TRRAP: variants seen among roughly 807,000 people sequenced by gnomAD.
TRRAP encodes transformation/transcription domain associated protein.
A neutral mutation model predicts 438.8 loss-of-function variants in TRRAP; 41 were observed. The observed-to-expected ratio is 0.09, with a 90% CI of 0.07 to 0.12. The LOEUF (loss-of-function observed/expected upper bound fraction) is 0.12. TRRAP is among the 10% of genes least tolerant of loss of function. The probability of loss-of-function intolerance (pLI) is 1.00; values close to 1 mark genes in which losing one functional copy is unlikely to be tolerated. For synonymous variants in TRRAP, 1,994 were observed against 1,962.9 expected, an observed-to-expected ratio of 1.02 and a Z score of -0.42; for missense variants, 3,122 against 5,055.1, an observed-to-expected ratio of 0.62 and a Z score of 11.60.
Position 99,004,343 on chromosome 7 carries a change from A to G in TRRAP, c.10463A>G (p.Gln3488Arg). ...KCRFLSNFSA[Q>R]TAEVEIPGEF... Reference sequence around the variant, plus strand: ...CGGTTCTTGAGCAATTTCTCGGCACAGACAGCTGAAGTGGAAATTCCTGGG... The same window carrying G: ...CGGTTCTTGAGCAATTTCTCGGCACGGACAGCTGAAGTGGAAATTCCTGGG... The change falls in exon 68 of 73, where the codon CAG (glutamine) becomes CGG (arginine). Residue 3488 changes from glutamine (Q) to arginine (R), a missense_variant. Transcript: ENST00000456197. 2 of 1,614,238 alleles carry G rather than the reference A, an allele frequency of 1.2e-6. No individual in the cohort carries two copies. The highest frequency in any genetic ancestry group is 2.2e-5 in the South Asian group (2 of 91,082).
chr7:99,008,588 G>A (rs530105575), intron 70 of TRRAP, 27 bp downstream of exon 70: 25 of 1,608,818 alleles, frequency 1.6e-5, no homozygotes, highest in African/African-American at 1.3e-4. Context: ...GCCGGGGGCC[G>A]AGCTGCCGCC....
chr7:98,990,403 T>C, intron 63 of TRRAP, 52 bp from the exon 64 acceptor site: 5 of 1,594,290 alleles, frequency 3.1e-6, no homozygotes, highest in Non-Finnish European at 4.3e-6. Flanking sequence ...AGTCTCTTGC[T>C]TGAGGGCTTC....
In TRRAP at chr7:98,881,930, CTTAACATAATTTCA is replaced by C. The variant is rs782123277; in HGVS notation, c.101-44_101-31del. 4.4e-6 allele frequency: 7 copies of C among 1,585,882 alleles called. No homozygotes were observed. The Admixed American group carries it at 1.1e-4, about 26-fold the overall frequency. ...CCAAGTTTTGCATTAACATAATTTC[CTTAACATAATTTCA>C]ATTACCTGATGCTTGTTTTGCCGTT... On this transcript the variant is annotated intron_variant, in intron 2 of 72. Transcript: ENST00000456197.
rs565810810 is a variant in TRRAP at position 98,890,282 on chromosome 7, A to G, written c.151-53A>G. 294 of 1,206,282 alleles carry G rather than the reference A, an allele frequency of 2.4e-4. 1 individual carries two copies. In the African/African-American group the frequency reaches 4.3e-3, roughly 17 times the overall value. 74.7% of individuals were successfully genotyped at this position (1,206,282 alleles called of 1,614,324 possible). Reference sequence around the variant, plus strand: ...CAGTTATTATAATGTGTAAATTTGAAATGAAAATACATACACATAACTGAA... The same window carrying G: ...CAGTTATTATAATGTGTAAATTTGAGATGAAAATACATACACATAACTGAA... On this transcript the variant is annotated intron_variant, in intron 3 of 72. Coordinates refer to ENST00000456197, the MANE Select transcript of TRRAP (RefSeq NM_001375524.1).
At chr7:98,944,766 T>C (rs951095751) in intron 31 of TRRAP, among the ~76,000 whole-genome samples, 6 of 152,192 alleles carry the variant, frequency 3.9e-5, no homozygotes, top group Non-Finnish European at 7.3e-5. Context: ...ATTGAAGATA[T>C]GCTAGATCGT....
intron 18 of TRRAP, among the ~76,000 whole-genome samples, chr7:98,915,124 A>G (rs541680617): frequency 6.6e-6 from 1 of 152,178 alleles, no homozygotes; most frequent in Non-Finnish European, 1.5e-5. Context: ...ATAGTCTTCA[A>G]TGTCTTTTGA....
At chr7:98,899,282 C>T (rs781799127) in intron 8 of TRRAP, 140 bp from the exon 9 acceptor site, 54 of 699,660 alleles carry the variant, frequency 7.7e-5, no homozygotes, top group Non-Finnish European at 1.3e-4. Context: ...CAGTTTGGAT[C>T]TTTCATCACA....
intron 44 of TRRAP, 43 bp from the exon 45 acceptor site, chr7:98,959,301 C>G: frequency 6.2e-7 from 1 of 1,604,978 alleles, no homozygotes; most frequent in Non-Finnish European, 8.5e-7. Context: ...ACTGTAAACT[C>G]GGATGCAGTG....
chr7:98,898,971 T>C (rs903113600), intron 8 of TRRAP, among the ~76,000 whole-genome samples: 10 of 152,186 alleles, frequency 6.6e-5, no homozygotes, highest in African/African-American at 2.4e-4. Context: ...GCAGATCACC[T>C]GAGGTCAGGA....
intron 8 of TRRAP, 108 bp downstream of exon 8, chr7:98,897,974 C>A: frequency 6.5e-7 from 1 of 1,532,288 alleles, no homozygotes; most frequent in Non-Finnish European, 8.9e-7. Flanking sequence ...TTAAGACAAA[C>A]GTGTGTGCCT....
intron 61 of TRRAP, 93 bp downstream of exon 61, chr7:98,984,451 G>A: frequency 1.4e-6 from 2 of 1,440,334 alleles, no homozygotes; most frequent in Non-Finnish European, 1.8e-6. Flanking sequence ...CAGAATATAA[G>A]GAAGGTGGAC....
At chr7:98,923,156 C>T (rs1436258601) in intron 21 of TRRAP, among the ~76,000 whole-genome samples, 2 of 152,216 alleles carry the variant, frequency 1.3e-5, no homozygotes, top group African/African-American at 4.8e-5. Flanking sequence ...TGCTACTCTC[C>T]TAAGAGAATT....
In TRRAP at chr7:98,949,590, C is replaced by T. The variant is rs781958080; in HGVS notation, c.4953+9C>T. The T allele has an allele frequency of 3.8e-6, 6 of 1,584,082 alleles. No individual in the cohort carries two copies. The African/African-American group carries it at 5.4e-5, about 14-fold the overall frequency. On this transcript the variant is annotated intron_variant, in intron 36 of 72. Transcript: ENST00000456197. ...AGTTCCAGGCCATCAAGGTAGCGCC[C>T]CTTCCTCCAGCCCCCAATGCCCAGG... is the stretch of plus-strand genomic sequence containing the variant.
rs1176043224 is a variant in TRRAP, at chr7:99,011,609, G to C, written c.11337+74G>C. ...ATGCCCGCGCGTCACGGCCTTGCAG[G>C]AGCTGCTGATGTGCCTCACGGGCTC... On this transcript the variant is annotated intron_variant, in intron 72 of 72. Coordinates refer to ENST00000456197, the MANE Select transcript of TRRAP (RefSeq NM_001375524.1). The surrounding 1 kb of genome is among the most constrained non-coding windows in gnomAD (Gnocchi z 7.1). 6.5e-7 allele frequency: 1 copy of C among 1,528,574 alleles called. No individual in the cohort carries two copies. The highest frequency in any genetic ancestry group is 2.0e-5 in the Admixed American group (1 of 51,032). 94.7% of individuals were successfully genotyped at this position (1,528,574 alleles called of 1,614,324 possible).
At chr7:98,975,349 G>A (rs1028807137) in intron 53 of TRRAP, among the ~76,000 whole-genome samples, 1 of 152,230 alleles carries the variant, frequency 6.6e-6, no homozygotes, top group Non-Finnish European at 1.5e-5. Flanking sequence ...CAGGGCAGCA[G>A]GGACAGTGTG....
chr7:98,901,076 C>T (rs979594632), intron 11 of TRRAP, among the ~76,000 whole-genome samples: 2 of 152,232 alleles, frequency 1.3e-5, no homozygotes, highest in African/African-American at 4.8e-5. Context: ...TTACTGATTA[C>T]TTTTTATTGC....
chr7:98,992,895 G>A (rs534633633), intron 65 of TRRAP, among the ~76,000 whole-genome samples: 5 of 152,188 alleles, frequency 3.3e-5, no homozygotes, highest in Non-Finnish European at 7.3e-5. Flanking sequence ...CCTCTGGGGA[G>A]TCAGTCTGCC....
intron 19 of TRRAP, among the ~76,000 whole-genome samples, chr7:98,916,390 T>C (rs1197598076): frequency 6.6e-6 from 1 of 152,178 alleles, no homozygotes; most frequent in Non-Finnish European, 1.5e-5. Context: ...GGTACATAGT[T>C]AACAGGGATC....
chr7:98,970,141 C>T lies in TRRAP; in HGVS notation c.7542C>T (p.Thr2514=), dbSNP rs757217793. 3 of 1,613,878 alleles carry T rather than the reference C, an allele frequency of 1.9e-6. No individual in the cohort carries two copies. The highest frequency in any genetic ancestry group is 1.1e-5 in the South Asian group (1 of 91,082). Residue 2514 remains threonine (T), a synonymous_variant, in exon 52 of 73, where the codon ACC becomes ACT. Coordinates refer to ENST00000456197, the MANE Select transcript of TRRAP (RefSeq NM_001375524.1). ...ELLLAVCEKS[T]PIGTSCQGAM... is the part of the protein sequence containing the mutation. ...TTCTGGCCGTGTGTGAGAAGAGCAC[C>T]CCCATTGGCACCAGCTGCCAAGGAG...
Sources: allele counts gnomAD v4.1 joint callset (sites outside exome capture counted in the v4.1 genomes callset), GRCh38; gene constraint gnomAD v4.1.1; non-coding constraint Gnocchi (gnomAD v3.1); transcripts MANE v1.5; gene names NCBI Gene and HGNC (gene_info 2026-07-23, HGNC 2026-07-21).